MTSS1: variants seen among roughly 807,000 people sequenced by gnomAD.
The protein encoded by MTSS1 is MTSS I-BAR domain containing 1.
In MTSS1, 18 loss-of-function variants were observed where a neutral mutation model predicts 79.0. That is an observed-to-expected ratio of 0.23 (90% CI 0.16 to 0.34). The LOEUF (loss-of-function observed/expected upper bound fraction) is 0.34. Ranked by LOEUF, MTSS1 falls within the 10% of genes least tolerant of loss-of-function variation. The probability of loss-of-function intolerance (pLI) is 1.00; values close to 1 mark genes in which losing one functional copy is unlikely to be tolerated. For synonymous variants in MTSS1, 341 were observed against 368.6 expected (o/e 0.93, Z 0.86); for missense variants, 815 against 986.2 (o/e 0.83, Z 2.33).
intron 3 of MTSS1, among the ~76,000 whole-genome samples, chr8:124,620,639 A>C (rs1343060714): frequency 3.0e-4 from 45 of 152,174 alleles, no homozygotes; most frequent in Admixed American, 2.9e-3. Context: ...AGTCACCTAA[A>C]AAGCTAATTA....
chr8:124,555,268 C>CA (rs1473468839), intron 13 of MTSS1, among the ~76,000 whole-genome samples: 1 of 151,956 alleles, frequency 6.6e-6, no homozygotes, highest in Non-Finnish European at 1.5e-5. Context: ...TTTTTTGAGA[C>CA]AGAGTCTTGC....
chr8:124,602,204 T>TACACACACACAC (rs1430392276), intron 3 of MTSS1, among the ~76,000 whole-genome samples: 10 of 144,064 alleles, frequency 6.9e-5, no homozygotes, highest in African/African-American at 2.7e-4. Context: ...TATATATATA[T>TACACACACACAC]ATAATTTTTT....
At chr8:124,721,537 G>A (rs546733116) in intron 1 of MTSS1, among the ~76,000 whole-genome samples, 2 of 151,520 alleles carry the variant, frequency 1.3e-5, no homozygotes, top group Non-Finnish European at 2.9e-5. Flanking sequence ...AGCCTACTGA[G>A]TAGCTGGGAC....
chr8:124,567,452 G>T (rs978282303), intron 7 of MTSS1, among the ~76,000 whole-genome samples: 1 of 152,240 alleles, frequency 6.6e-6, no homozygotes, highest in African/African-American at 2.4e-5. Flanking sequence ...GGACTGCCAG[G>T]CCTGCTCAGA....
chr8:124,650,970 C>G (rs534730405), intron 3 of MTSS1, among the ~76,000 whole-genome samples: 2 of 152,300 alleles, frequency 1.3e-5, no homozygotes, highest in African/African-American at 2.4e-5. Context: ...AAATAATAAA[C>G]TATCATACAA....
intron 3 of MTSS1, among the ~76,000 whole-genome samples, chr8:124,609,591 CT>C (rs961641092): frequency 1.3e-5 from 2 of 152,072 alleles, no homozygotes; most frequent in African/African-American, 2.4e-5. Flanking sequence ...GATGGGATGC[CT>C]TTGTTCAAAG....
chr8:124,629,262 C>G (rs1490995780), intron 3 of MTSS1, among the ~76,000 whole-genome samples: 1 of 151,982 alleles, frequency 6.6e-6, no homozygotes, highest in Non-Finnish European at 1.5e-5. Context: ...CACCTGTAAT[C>G]CCAGCACTTT....
intron 3 of MTSS1, among the ~76,000 whole-genome samples, chr8:124,641,125 G>A (rs1353408658): frequency 6.6e-6 from 1 of 152,092 alleles, no homozygotes; most frequent in Non-Finnish European, 1.5e-5. Flanking sequence ...CTCATCTGGG[G>A]GAGGGGACAT....
At chr8:124,603,728 G>C (rs1834319511) in intron 3 of MTSS1, among the ~76,000 whole-genome samples, 2 of 152,154 alleles carry the variant, frequency 1.3e-5, no homozygotes. Context: ...CTGTTCACAC[G>C]AGACAAATAT....
intron 3 of MTSS1, among the ~76,000 whole-genome samples, chr8:124,687,885 T>G (rs2135145076): frequency 6.6e-6 from 1 of 152,322 alleles, no homozygotes; most frequent in Non-Finnish European, 1.5e-5. Context: ...TATTTTTTCA[T>G]TTTACTTGTA....
intron 3 of MTSS1, among the ~76,000 whole-genome samples, chr8:124,594,268 C>T (rs1832364958): frequency 1.3e-5 from 2 of 152,208 alleles, no homozygotes; most frequent in South Asian, 2.1e-4. Flanking sequence ...CAGTGGCTCA[C>T]GCCTGTAACC....
intron 3 of MTSS1, among the ~76,000 whole-genome samples, chr8:124,679,682 A>C (rs1197898532): frequency 1.3e-5 from 2 of 152,220 alleles, no homozygotes; most frequent in African/African-American, 4.8e-5. Flanking sequence ...TGTGATATGG[A>C]AACTCCTGTC....
intron 3 of MTSS1, among the ~76,000 whole-genome samples, chr8:124,695,336 A>T (rs1466786258): frequency 1.7e-5 from 1 of 59,866 alleles, no homozygotes; most frequent in Non-Finnish European, 3.2e-5. Context: ...CAAGAGGGAT[A>T]AAAAAAAAAA....
intron 1 of MTSS1, among the ~76,000 whole-genome samples, chr8:124,726,714 A>G (rs1833747330): frequency 6.6e-6 from 1 of 152,174 alleles, no homozygotes; most frequent in Non-Finnish European, 1.5e-5. Flanking sequence ...AAGCTCCTCC[A>G]GGCGCCCAGG....
In MTSS1 at chr8:124,553,726, C is replaced by G; in HGVS notation, c.1568-34G>C. 2 of 1,555,578 alleles carry G rather than the reference C, an allele frequency of 1.3e-6. No individual in the cohort carries two copies. The highest frequency in any genetic ancestry group is 1.2e-5 in the South Asian group (1 of 82,882). On this transcript the variant is annotated intron_variant, in intron 13 of 13. Coordinates refer to ENST00000518547, the MANE Select transcript of MTSS1 (RefSeq NM_014751.6). The surrounding 1 kb of genome is among the most constrained non-coding windows in gnomAD (Gnocchi z 6.0). ...AGGATTTGATTAGACATATTCAAGA[C>G]AGCAGCTGTGCTTTTTTGATTCTTC...
At chr8:124,616,643 T>C (rs1055380970) in intron 3 of MTSS1, among the ~76,000 whole-genome samples, 3 of 152,174 alleles carry the variant, frequency 2.0e-5, no homozygotes, top group East Asian at 1.9e-4. Context: ...AAGGGATCCT[T>C]TGGACTCCCC....
At chr8:124,684,185 G>A (rs930469493) in intron 3 of MTSS1, among the ~76,000 whole-genome samples, 4 of 151,986 alleles carry the variant, frequency 2.6e-5, no homozygotes, top group East Asian at 3.8e-4. Flanking sequence ...CTGATACCAC[G>A]GCCATTAAAA....
chr8:124,573,893 C>T (rs920332707), intron 6 of MTSS1, among the ~76,000 whole-genome samples: 14 of 152,186 alleles, frequency 9.2e-5, no homozygotes, highest in Non-Finnish European at 1.9e-4. Context: ...ATCCCCCCAC[C>T]CCAGGGGATA....
At chr8:124,593,484 A>G (rs1167999302) in intron 3 of MTSS1, among the ~76,000 whole-genome samples, 1 of 152,264 alleles carries the variant, frequency 6.6e-6, no homozygotes, top group Admixed American at 6.5e-5. Context: ...TGTTGTTCAC[A>G]GCGTCAAAAG....
Sources: allele counts gnomAD v4.1 joint callset (sites outside exome capture counted in the v4.1 genomes callset), GRCh38; gene constraint gnomAD v4.1.1; non-coding constraint Gnocchi (gnomAD v3.1); transcripts MANE v1.5; gene names NCBI Gene and HGNC (gene_info 2026-07-23, HGNC 2026-07-21).